HOXD3: variants seen among roughly 807,000 people sequenced by gnomAD.
The protein encoded by HOXD3 is homeobox D3.
HOXD3 carries 13 observed loss-of-function variants against 32.8 expected under a neutral mutation model. The observed-to-expected ratio is 0.40, with a 90% CI of 0.26 to 0.63. The LOEUF is 0.63. Among genes scored for constraint, HOXD3 ranks in the 20% least tolerant of loss-of-function variants. The probability of loss-of-function intolerance (pLI) is 0.44; values close to 1 mark genes in which losing one functional copy is unlikely to be tolerated. For synonymous variants in HOXD3, 241 were observed against 246.8 expected, an observed-to-expected ratio of 0.98 and a Z score of 0.22; for missense variants, 504 against 577.1, an observed-to-expected ratio of 0.87 and a Z score of 1.30.
chr2:176,152,640 C>T, upstream of HOXD3: 4 of 1,614,070 alleles, frequency 2.5e-6, no homozygotes, highest in South Asian at 1.1e-5. The surrounding 1 kb of genome is among the most constrained non-coding windows in gnomAD (Gnocchi z 5.2). Flanking sequence ...GGAACCCAAG[C>T]GGTCCCGAAC....
chr2:176,152,700 A>T (rs991073941), upstream of HOXD3: 10 of 1,614,200 alleles, frequency 6.2e-6, no homozygotes, highest in Non-Finnish European at 8.5e-6. This position sits in a 1 kb window ranked among gnomAD's most constrained non-coding sequence, Gnocchi z 5.2. Flanking sequence ...ATTTCATTTT[A>T]ACAGGTATCT....
chr2:176,166,747 C>G (rs1024103899), intron 2 of HOXD3, among the ~76,000 whole-genome samples: 1 of 152,144 alleles, frequency 6.6e-6, no homozygotes, highest in Non-Finnish European at 1.5e-5. Flanking sequence ...GCCTGTTCCT[C>G]ATCAAGACAA....
Position 176,169,060 on chromosome 2 carries a change from T to C in HOXD3, c.-55T>C. 10 of 1,543,380 alleles carry C rather than the reference T, an allele frequency of 6.5e-6. No individual in the cohort carries two copies. Among genetic ancestry groups the C allele is most frequent in the Non-Finnish European group, 8.7e-6 (10 of 1,144,272 alleles). On this transcript the variant is annotated 5_prime_UTR_variant, in exon 3 of 4. Transcript: ENST00000683222. ...CCTGGAGCCTGGGGGCCGGCCCAGC[T>C]CTCTCAGGATTCAGCAGACATTGGA...
chr2:176,154,293 G>A (rs1177203414), upstream of HOXD3, among the ~76,000 whole-genome samples: 2 of 152,090 alleles, frequency 1.3e-5, no homozygotes, highest in African/African-American at 2.4e-5. Flanking sequence ...TCCTCTAGTC[G>A]TTTTTCTTCT....
intron 1 of HOXD3, among the ~76,000 whole-genome samples, chr2:176,163,396 G>C (rs1690867506): frequency 6.6e-6 from 1 of 151,634 alleles, no homozygotes; most frequent in Admixed American, 6.6e-5. Context: ...TTGGTCTGTG[G>C]CTTTGGGTGG....
At chr2:176,155,806 T>C (rs1250981559), upstream of HOXD3, among the ~76,000 whole-genome samples, 3 of 152,232 alleles carry the variant, frequency 2.0e-5, no homozygotes, top group African/African-American at 7.2e-5. Context: ...AAAAACCGTG[T>C]TGGGGTCCTG....
chr2:176,152,726 G>A (rs1416403766), upstream of HOXD3: 1 of 1,614,208 alleles, frequency 6.2e-7, no homozygotes, highest in South Asian at 1.1e-5. This position sits in a 1 kb window ranked among gnomAD's most constrained non-coding sequence, Gnocchi z 5.2. Context: ...GGCGCCGTCG[G>A]ATTGAAATCG....
rs372056585 is a variant in HOXD3, at chr2:176,164,959, T to G, written c.-85+791T>G. The G allele has an allele frequency of 5.3e-5, 8 of 152,356 alleles. No homozygotes were observed. The East Asian group carries it at 1.2e-3, about 22-fold the overall frequency. The allele number at this position is 152,356 out of a possible 1,614,324, so 9.4% of individuals were successfully genotyped here. On this transcript the variant is annotated intron_variant, in intron 2 of 3. Coordinates refer to ENST00000683222, the MANE Select transcript of HOXD3 (RefSeq NM_006898.5). Reference sequence around the variant, plus strand: ...CGAGGCCACCACGGGCAGCAGATTTTTGGTCCCCAGCGAGGCTGCGCGCGT... The same window carrying G: ...CGAGGCCACCACGGGCAGCAGATTTGTGGTCCCCAGCGAGGCTGCGCGCGT...
rs1389150341 is a variant in HOXD3, at chr2:176,172,245, C to T, written c.1270C>T (p.Pro424Ser). ...CCACCACTCGTCTCAGGGACGACTGCCGGAGGCTCCCAAACTGACGCATCT... is the reference window on the plus strand; with the variant it reads ...CCACCACTCGTCTCAGGGACGACTGTCGGAGGCTCCCAAACTGACGCATCT... ...SAHHSSQGRL[P>S]EAPKLTHL is the part of the protein sequence containing the mutation. The change falls in exon 4 of 4, where the codon CCG becomes TCG. Residue 424 changes from proline (P) to serine (S), a missense_variant. Pro to Ser is a moderately conservative substitution (Grantham distance 74). This residue lies in a region of HOXD3 where 226 missense variants were observed against 246.9 expected (regional missense o/e 0.92). Coordinates refer to ENST00000683222, the MANE Select transcript of HOXD3 (RefSeq NM_006898.5). 1 of 1,605,374 alleles carries T rather than the reference C, an allele frequency of 6.2e-7. No homozygotes were observed. The highest frequency in any genetic ancestry group is 8.5e-7 in the Non-Finnish European group (1 of 1,178,690).
upstream of HOXD3, chr2:176,153,054 C>A: frequency 2.2e-6 from 2 of 915,856 alleles, no homozygotes; most frequent in South Asian, 1.4e-5. Flanking sequence ...TGGGGTGGAC[C>A]TGGGACAAGC....
At chr2:176,158,477 G>T (rs1690699334) in intron 1 of HOXD3, among the ~76,000 whole-genome samples, 1 of 152,120 alleles carries the variant, frequency 6.6e-6, no homozygotes, top group Non-Finnish European at 1.5e-5. Flanking sequence ...CTCTTCATTC[G>T]CCTCCTTCCC....
chr2:176,160,208 G>A (rs1690755639), intron 1 of HOXD3, among the ~76,000 whole-genome samples: 1 of 152,206 alleles, frequency 6.6e-6, no homozygotes, highest in Non-Finnish European at 1.5e-5. Context: ...GCATGAGGCT[G>A]CGGAGTACTC....
chr2:176,164,293 A>G (rs1018899117), intron 2 of HOXD3, 125 bp downstream of exon 2: 2 of 152,252 alleles, frequency 1.3e-5, no homozygotes, highest in Non-Finnish European at 2.9e-5. Flanking sequence ...TCACTTCAGT[A>G]TGAAGTACCA....
chr2:176,155,458 A>G (rs553090902), upstream of HOXD3, among the ~76,000 whole-genome samples: 126 of 152,300 alleles, frequency 8.3e-4, no homozygotes, highest in African/African-American at 3.0e-3. Context: ...TTAATCAGAG[A>G]AACAACTTCT....
chr2:176,168,279 A>AC (rs1691052468), intron 2 of HOXD3, among the ~76,000 whole-genome samples: 1 of 151,498 alleles, frequency 6.6e-6, no homozygotes, highest in Non-Finnish European at 1.5e-5. Flanking sequence ...AAAAAAAAAA[A>AC]ACTAAGAGCT....
At chr2:176,153,635 C>G (rs1013065201), upstream of HOXD3, among the ~76,000 whole-genome samples, 19 of 152,096 alleles carry the variant, frequency 1.2e-4, no homozygotes, top group African/African-American at 4.3e-4. Flanking sequence ...GGCTGAACTT[C>G]AGGGAGCAGA....
At chr2:176,171,315 T>A (rs1363900559) in intron 3 of HOXD3, among the ~76,000 whole-genome samples, 1 of 152,126 alleles carries the variant, frequency 6.6e-6, no homozygotes, top group Non-Finnish European at 1.5e-5. Flanking sequence ...CAGGTGCGAC[T>A]GATAGGTAGG....
chr2:176,159,119 C>T (rs1017953675), intron 1 of HOXD3, among the ~76,000 whole-genome samples: 3 of 152,282 alleles, frequency 2.0e-5, no homozygotes, highest in East Asian at 3.9e-4. Flanking sequence ...AGGCTTAGAT[C>T]CTTTCCTGGA....
upstream of HOXD3, among the ~76,000 whole-genome samples, chr2:176,157,290 C>T (rs1052776397): frequency 6.6e-6 from 1 of 152,146 alleles, no homozygotes; most frequent in African/African-American, 2.4e-5. Flanking sequence ...TAATTCAGCA[C>T]GTCCCTTAAG....
Sources: gnomAD v4.1 joint callset for allele counts (sites outside exome capture counted in the v4.1 genomes callset) on GRCh38, gnomAD v4.1.1 for gene constraint, gnomAD v4.1.1 regional missense constraint, Gnocchi (gnomAD v3.1) non-coding constraint, MANE v1.5 for transcripts, NCBI Gene and HGNC (gene_info 2026-07-23, HGNC 2026-07-21) for gene names.